ZNF248: variants seen among roughly 807,000 people sequenced by gnomAD.
ZNF248 encodes the protein KRAB protein domain.
A neutral mutation model predicts 44.3 loss-of-function variants in ZNF248; 20 were observed. That is an observed-to-expected ratio of 0.45 (90% CI 0.32 to 0.66). ZNF248 has a LOEUF of 0.66. Among genes scored for constraint, ZNF248 ranks in the 30% least tolerant of loss-of-function variants. The pLI, the probability that ZNF248 is intolerant of heterozygous loss-of-function variation, is 0.04. For missense variants in ZNF248, 654 were observed against 677.0 expected (o/e 0.97, Z 0.38); for synonymous variants, 224 against 229.0 (o/e 0.98, Z 0.20).
chr10:37,830,193 G>A lies in ZNF248; in HGVS notation c.*1422C>T. ...TTTGAGGAGTGCAGTGTTACTGCTT[G>A]TTAACCTTTGCATAATTTATGTAAA... On this transcript the variant is annotated 3_prime_UTR_variant, in exon 6 of 6. Transcript: ENST00000395867. 2 of 985,354 alleles carry A rather than the reference G, an allele frequency of 2.0e-6. No individual in the cohort carries two copies. Among genetic ancestry groups the A allele is most frequent in the East Asian group, 1.1e-4 (1 of 8,810 alleles). 61.0% of individuals were successfully genotyped at this position (985,354 alleles called of 1,614,324 possible). A position where few individuals can be genotyped will look rare whatever the true frequency, so the allele number is the denominator to read the frequency against.
At chr10:37,790,421 TAA>T (rs1219931465) in intron 6 of ZNF248, among the ~76,000 whole-genome samples, 2 of 150,420 alleles carry the variant, frequency 1.3e-5, no homozygotes, top group Non-Finnish European at 3.0e-5. Flanking sequence ...CTCTACAAAA[TAA>T]AAAGTTAGGC....
At chr10:37,826,663 G>A (rs1193965163), downstream of ZNF248, among the ~76,000 whole-genome samples, 1 of 152,168 alleles carries the variant, frequency 6.6e-6, no homozygotes, top group African/African-American at 2.4e-5. Flanking sequence ...CGTAATAGTA[G>A]TATCAATTCA....
At chr10:37,808,145 G>GGCTTTCA (rs2133339915) in intron 6 of ZNF248, among the ~76,000 whole-genome samples, 1 of 151,902 alleles carries the variant, frequency 6.6e-6, no homozygotes, top group East Asian at 1.9e-4. Context: ...TTAATGTGAT[G>GGCTTTCA]TATTACATTA....
chr10:37,764,940 C>A, the ZNF248 span, among the ~76,000 whole-genome samples: 5 of 151,892 alleles, frequency 3.3e-5, no homozygotes, highest in East Asian at 9.7e-4. Context: ...GATATTAAAA[C>A]ACCTAAGACA....
Position 37,831,282 on chromosome 10 carries a change from GTCAT to G in ZNF248, c.*329_*332del. 6.5e-7 allele frequency: 1 copy of G among 1,549,596 alleles called. No homozygotes were observed. Among genetic ancestry groups the G allele is most frequent in the Non-Finnish European group, 8.7e-7 (1 of 1,146,190 alleles). On this transcript the variant is annotated 3_prime_UTR_variant, in exon 6 of 6. Transcript: ENST00000395867. ...CTTCACATATATGTTTAATGCTGCT[GTCAT>G]TCAACTTTTATAAGCTTCAGATTCC...
chr10:37,811,554 G>A (rs941236468), intron 6 of ZNF248, among the ~76,000 whole-genome samples: 9 of 151,912 alleles, frequency 5.9e-5, no homozygotes, highest in Non-Finnish European at 1.3e-4. Context: ...AAATTTCTAG[G>A]CCAGGCGCAG....
At chr10:37,819,558 G>A in intron 6 of ZNF248, 3 of 942,590 alleles carry the variant, frequency 3.2e-6, no homozygotes, top group Admixed American at 1.7e-5. Flanking sequence ...AGCATTGGAT[G>A]ATCTTTAAAT....
At chr10:37,768,833 G>A in the ZNF248 span, among the ~76,000 whole-genome samples, 3 of 152,286 alleles carry the variant, frequency 2.0e-5, no homozygotes, top group South Asian at 4.2e-4. Flanking sequence ...GAATCCAGGA[G>A]CTGGTTTTTT....
chr10:37,844,849 AAGTG>A (rs1230502726), intron 3 of ZNF248, among the ~76,000 whole-genome samples: 1 of 152,170 alleles, frequency 6.6e-6, no homozygotes, highest in East Asian at 1.9e-4. Context: ...CAACTGGCAG[AAGTG>A]AGTCCTTCCT....
At chr10:37,847,806 G>A (rs1245237094) in intron 3 of ZNF248, among the ~76,000 whole-genome samples, 1 of 152,184 alleles carries the variant, frequency 6.6e-6, no homozygotes, top group Non-Finnish European at 1.5e-5. Context: ...AGAGAACTCT[G>A]AGCTGATAAC....
chr10:37,849,603 C>T (rs1036560082), intron 3 of ZNF248, among the ~76,000 whole-genome samples: 1 of 151,808 alleles, frequency 6.6e-6, no homozygotes, highest in African/African-American at 2.4e-5. Flanking sequence ...AGGAGAATGG[C>T]GTGAACCCGG....
rs2055255601 is a variant in ZNF248, at chr10:37,830,202, T to G, written c.*1413A>C. 1 of 985,250 alleles carries G rather than the reference T, an allele frequency of 1.0e-6. No homozygotes were observed. 61.0% of individuals were successfully genotyped at this position (985,250 alleles called of 1,614,324 possible). A position where few individuals can be genotyped will look rare whatever the true frequency, so the allele number is the denominator to read the frequency against. ...TGCAGTGTTACTGCTTGTTAACCTT[T>G]GCATAATTTATGTAAAAACCATTCT... On this transcript the variant is annotated 3_prime_UTR_variant, in exon 6 of 6. Coordinates refer to ENST00000395867, the MANE Select transcript of ZNF248 (RefSeq NM_021045.3).
chr10:37,827,931 T>TAG (rs1157870276), downstream of ZNF248, among the ~76,000 whole-genome samples: 3 of 152,106 alleles, frequency 2.0e-5, no homozygotes, highest in African/African-American at 7.2e-5. Context: ...AACAGGCTCT[T>TAG]AGGAGTTTAC....
intron 6 of ZNF248, chr10:37,821,059 G>T: frequency 1.2e-6 from 1 of 869,150 alleles, no homozygotes. Context: ...AATCAGTTAT[G>T]CTCACTTCAC....
intron 6 of ZNF248, among the ~76,000 whole-genome samples, chr10:37,815,563 GC>G (rs1490496488): frequency 3.3e-5 from 5 of 151,880 alleles, no homozygotes; most frequent in African/African-American, 1.2e-4. Context: ...TTATCTTTTA[GC>G]TTTTTAAACA....
chr10:37,781,217 C>A (rs555425072), intron 6 of ZNF248, among the ~76,000 whole-genome samples: 96 of 152,234 alleles, frequency 6.3e-4, no homozygotes, highest in African/African-American at 2.0e-3. Context: ...TCAGCTGGAC[C>A]CAACATCTGT....
intron 6 of ZNF248, among the ~76,000 whole-genome samples, chr10:37,796,572 T>C (rs1247676181): frequency 1.1e-4 from 17 of 152,122 alleles, no homozygotes; most frequent in Non-Finnish European, 5.9e-5. Context: ...TATCGTTGTG[T>C]CAAGACTAGG....
At chr10:37,838,205 A>T in intron 3 of ZNF248, 94 bp from the exon 4 acceptor site, 1 of 1,217,568 alleles carries the variant, frequency 8.2e-7, no homozygotes, top group Non-Finnish European at 1.1e-6. Context: ...TTACTAAAAA[A>T]TGACAGGTTA....
Position 37,832,514 on chromosome 10 carries a change from T to C in ZNF248, c.841A>G (p.Met281Val). The C allele has an allele frequency of 3.7e-6, 6 of 1,613,978 alleles. No homozygotes were observed. The highest frequency in any genetic ancestry group is 1.1e-5 in the South Asian group (1 of 91,086). The change falls in exon 6 of 6, where the codon ATG (methionine) becomes GTG (valine). Residue 281 changes from methionine to valine, a missense_variant. Transcript: ENST00000395867. ...GCSICGKSFCMNLRFGHQRAL... is the reference protein window; with the variant it reads ...GCSICGKSFCVNLRFGHQRAL... The stretch of plus-strand genomic sequence containing the variant: ...CTCTGATGTCCAAACCTTAAATTCA[T>C]GCAGAAGGACTTCCCGCAAATACTG...
Sources: allele counts gnomAD v4.1 joint callset (sites outside exome capture counted in the v4.1 genomes callset), GRCh38; gene constraint gnomAD v4.1.1; transcripts MANE v1.5; gene names NCBI Gene and HGNC (gene_info 2026-07-23, HGNC 2026-07-21).